The following ECT2 variants were observed in gnomAD, a reference collection of about 807,000 sequenced individuals.
ECT2 encodes the protein epithelial cell transforming 2.
A neutral mutation model predicts 116.9 loss-of-function variants in ECT2; 61 were observed. The ratio of observed to expected loss-of-function variants is 0.52; its 90% CI spans 0.42 to 0.65. ECT2 has a LOEUF of 0.65. Among genes scored for constraint, ECT2 ranks in the 30% least tolerant of loss-of-function variants. The probability of loss-of-function intolerance (pLI) is 0.00; values close to 1 mark genes in which losing one functional copy is unlikely to be tolerated. For missense variants in ECT2, 937 were observed against 1,078.7 expected (o/e 0.87, Z 1.84); for synonymous variants, 358 against 346.4 (o/e 1.03, Z -0.37).
chr3:172,785,250 T>C (rs1276689160), intron 17 of ECT2, among the ~76,000 whole-genome samples: 1 of 152,196 alleles, frequency 6.6e-6, no homozygotes, highest in Non-Finnish European at 1.5e-5. Context: ...GAAACATATC[T>C]ATTTATTCTA....
intron 24 of ECT2, 51 bp from the exon 25 acceptor site, chr3:172,820,097 A>T: frequency 6.9e-7 from 1 of 1,449,490 alleles, no homozygotes; most frequent in South Asian, 1.2e-5. Context: ...GTATTTTACA[A>T]TTTTTTTAAA....
intron 13 of ECT2, 87 bp downstream of exon 13, chr3:172,769,230 TTA>T (rs2108447380): frequency 7.8e-7 from 1 of 1,283,118 alleles, no homozygotes; most frequent in Non-Finnish European, 1.1e-6. Flanking sequence ...TACGAGAAAA[TTA>T]TATAAACATA....
chr3:172,758,949 A>G, intron 5 of ECT2, 31 bp from the exon 6 acceptor site: 2 of 1,526,522 alleles, frequency 1.3e-6, no homozygotes, highest in Non-Finnish European at 1.8e-6. Context: ...CTAAAGAGAA[A>G]GCTCACATTT....
At chr3:172,808,825 G>C (rs550861522) in intron 22 of ECT2, among the ~76,000 whole-genome samples, 1 of 152,246 alleles carries the variant, frequency 6.6e-6, no homozygotes, top group African/African-American at 2.4e-5. Context: ...GTTTAATGTG[G>C]TTTATAAAGT....
At chr3:172,806,065 T>C (rs1727630339) in intron 21 of ECT2, 196 bp downstream of exon 21, 2 of 531,944 alleles carry the variant, frequency 3.8e-6, no homozygotes, top group South Asian at 3.0e-5. Context: ...TTTTCTCAAA[T>C]GAAAGTACTA....
intron 5 of ECT2, among the ~76,000 whole-genome samples, chr3:172,757,948 C>A (rs1438172628): frequency 6.6e-6 from 1 of 151,932 alleles, no homozygotes; most frequent in East Asian, 1.9e-4. Flanking sequence ...CCTCTGCTTT[C>A]CCGGGTTCAA....
chr3:172,826,921 TATA>T, the ECT2 span, among the ~76,000 whole-genome samples: 1 of 152,332 alleles, frequency 6.6e-6, no homozygotes, highest in East Asian at 1.9e-4. Flanking sequence ...AATCAGAATA[TATA>T]ATGAGCTTAA....
rs1039702294 is a variant in ECT2, at chr3:172,805,777, A to C, written c.2153A>C (p.His718Pro). The part of the protein sequence containing the change: ...HKVIGTFRSP[H>P]GQTRPPASLK... ...GTTATTGGCACTTTTAGGAGTCCTC[A>C]TGGCCAAACCCGACCCCCAGCTTCT... The change falls in exon 21 of 25, where the codon CAT becomes CCT. Residue 718 changes from histidine (H) to proline (P), a missense_variant. Physicochemically the swap from His to Pro is moderately conservative, Grantham distance 77. Transcript: ENST00000392692. 1.2e-6 allele frequency: 2 copies of C among 1,613,738 alleles called. No homozygotes were observed. Among genetic ancestry groups the C allele is most frequent in the Non-Finnish European group, 1.7e-6 (2 of 1,179,872 alleles).
chr3:172,790,255 A>G (rs1412726098), intron 18 of ECT2, among the ~76,000 whole-genome samples: 2 of 152,132 alleles, frequency 1.3e-5, no homozygotes, highest in Non-Finnish European at 2.9e-5. Context: ...TGTCAGTTCA[A>G]GTTTAATAGA....
chr3:172,757,415 CTTTTTT>C (rs34169147), intron 5 of ECT2, among the ~76,000 whole-genome samples: 5 of 120,422 alleles, frequency 4.2e-5, no homozygotes, highest in Admixed American at 1.9e-4. Flanking sequence ...ATACATAGTC[CTTTTTT>C]TTTTTTTTTT....
intron 12 of ECT2, among the ~76,000 whole-genome samples, chr3:172,767,452 A>C (rs568219281): frequency 1.3e-5 from 2 of 152,224 alleles, no homozygotes; most frequent in African/African-American, 4.8e-5. Flanking sequence ...AAAAAAAAGC[A>C]CTCAGAACTC....
At chr3:172,818,794 A>T in intron 24 of ECT2, 1 of 1,258,138 alleles carries the variant, frequency 7.9e-7, no homozygotes, top group Non-Finnish European at 1.0e-6. Flanking sequence ...ACTAATGGAA[A>T]CAAGCCTCAT....
rs564519957 is a variant in ECT2, at chr3:172,820,347, A to T, written c.*110A>T. Reference sequence around the variant, plus strand: ...GCACTTGGTGAAAGCTGGAAGGAAGATAAATAACACTAAACTATGCTATTT... The same window carrying T: ...GCACTTGGTGAAAGCTGGAAGGAAGTTAAATAACACTAAACTATGCTATTT... On this transcript the variant is annotated 3_prime_UTR_variant, in exon 25 of 25. Coordinates refer to ENST00000392692, the MANE Select transcript of ECT2 (RefSeq NM_001258315.2). The T allele has an allele frequency of 1.6e-6, 1 of 642,746 alleles. No individual in the cohort carries two copies. The highest frequency in any genetic ancestry group is 1.9e-5 in the African/African-American group (1 of 53,628). The allele number at this position is 642,746 out of a possible 1,614,324, so 39.8% of individuals were successfully genotyped here.
intron 18 of ECT2, among the ~76,000 whole-genome samples, chr3:172,795,816 G>GA (rs1725536959): frequency 6.6e-6 from 1 of 151,964 alleles, no homozygotes; most frequent in Admixed American, 6.6e-5. Flanking sequence ...CCAAATAAGA[G>GA]AAAAAACAAA....
chr3:172,792,292 C>G (rs1482426351), intron 18 of ECT2, among the ~76,000 whole-genome samples: 6 of 152,202 alleles, frequency 3.9e-5, no homozygotes, highest in African/African-American at 1.4e-4. Flanking sequence ...GATAGACCTA[C>G]TTGACACAGG....
the ECT2 span, among the ~76,000 whole-genome samples, chr3:172,827,136 G>T: frequency 6.6e-6 from 1 of 152,114 alleles, no homozygotes; most frequent in Non-Finnish European, 1.5e-5. Context: ...CAAGCACCGA[G>T]GGATGTTTGT....
chr3:172,812,173 G>A (rs1728881772), intron 22 of ECT2, among the ~76,000 whole-genome samples: 1 of 151,962 alleles, frequency 6.6e-6, no homozygotes, highest in Admixed American at 6.6e-5. Flanking sequence ...TAGTAGAGAC[G>A]GGGTTTCACC....
At chr3:172,761,487 A>G (rs1211927918) in intron 7 of ECT2, 123 bp from the exon 8 acceptor site, 2 of 622,926 alleles carry the variant, frequency 3.2e-6, no homozygotes, top group Middle Eastern at 4.1e-4. Flanking sequence ...TAATTTTTAA[A>G]TTATTTTGTT....
chr3:172,786,126 C>A (rs1723570669), intron 17 of ECT2, among the ~76,000 whole-genome samples: 1 of 152,064 alleles, frequency 6.6e-6, no homozygotes, highest in South Asian at 2.1e-4. Flanking sequence ...GTGATGTAGC[C>A]ATGGGCCCCA....
Sources: allele counts gnomAD v4.1 joint callset (sites outside exome capture counted in the v4.1 genomes callset), GRCh38; gene constraint gnomAD v4.1.1; transcripts MANE v1.5; gene names NCBI Gene and HGNC (gene_info 2026-07-23, HGNC 2026-07-21).